Variants in ARHGAP12 observed in about 807,000 individuals in gnomAD.
ARHGAP12 encodes Rho GTPase activating protein 12, also known as rho GTPase-activating protein 12.
In ARHGAP12, 64 loss-of-function variants were observed where a neutral mutation model predicts 108.6. The observed-to-expected ratio is 0.59, with a 90% CI of 0.48 to 0.73. The LOEUF is 0.73. Ranked by LOEUF, ARHGAP12 falls within the 30% of genes least tolerant of loss-of-function variation. The pLI is 0.00. For missense variants in ARHGAP12, 940 were observed against 1,005.9 expected, an observed-to-expected ratio of 0.93 and a Z score of 0.89; for synonymous variants, 312 against 337.2, an observed-to-expected ratio of 0.93 and a Z score of 0.82.
intron 7 of ARHGAP12, among the ~76,000 whole-genome samples, chr10:31,842,295 T>C (rs1278630670): frequency 1.3e-5 from 2 of 152,094 alleles, no homozygotes; most frequent in African/African-American, 4.8e-5. Context: ...ATCTGGTTCT[T>C]GGTTGAGTGA....
intron 12 of ARHGAP12, among the ~76,000 whole-genome samples, chr10:31,818,184 T>G (rs1219935179): frequency 6.6e-6 from 1 of 152,168 alleles, no homozygotes; most frequent in African/African-American, 2.4e-5. Flanking sequence ...AACTAGTACG[T>G]TTATCACTTA....
At chr10:31,855,684 T>C (rs1314074023) in intron 4 of ARHGAP12, among the ~76,000 whole-genome samples, 1 of 152,162 alleles carries the variant, frequency 6.6e-6, no homozygotes, top group African/African-American at 2.4e-5. Flanking sequence ...CAGTAAAACT[T>C]TTAGAAACAG....
intron 10 of ARHGAP12, among the ~76,000 whole-genome samples, chr10:31,829,860 G>C (rs1835765924): frequency 6.6e-6 from 1 of 152,052 alleles, no homozygotes. Context: ...ACAATTATCT[G>C]AACATATCTT....
intron 12 of ARHGAP12, among the ~76,000 whole-genome samples, chr10:31,818,767 T>G (rs1163105925): frequency 6.6e-6 from 1 of 152,204 alleles, no homozygotes; most frequent in African/African-American, 2.4e-5. Flanking sequence ...AACTAGATTC[T>G]CTCCTTCAAG....
rs556870836 is a variant in ARHGAP12 at position 31,884,197 on chromosome 10, A to G, written c.685-22539T>C. On this transcript the variant is annotated intron_variant, in intron 3 of 19. Transcript: ENST00000344936. Reference sequence around the variant, plus strand: ...ACAAAGAATTCATCTGTGTGAGTTCATATCTATTGATATTTAGTATTAGAA... The same window carrying G: ...ACAAAGAATTCATCTGTGTGAGTTCGTATCTATTGATATTTAGTATTAGAA... Among the ~76,000 whole-genome samples, 11 of 151,980 alleles carry G rather than the reference A, an allele frequency of 7.2e-5. No homozygotes were observed. In the South Asian group the frequency reaches 1.0e-3, roughly 14 times the overall value.
At chr10:31,861,360 T>C in intron 4 of ARHGAP12, 35 bp downstream of exon 4, 1 of 1,556,644 alleles carries the variant, frequency 6.4e-7, no homozygotes, top group Non-Finnish European at 8.6e-7. Flanking sequence ...AGAGAAAATC[T>C]GGTAACTTGC....
intron 3 of ARHGAP12, among the ~76,000 whole-genome samples, chr10:31,876,760 A>G (rs1478552984): frequency 6.6e-6 from 1 of 152,196 alleles, no homozygotes; most frequent in Non-Finnish European, 1.5e-5. Context: ...GCAGGAAACA[A>G]AAATTCACCT....
chr10:31,894,748 C>T (rs1242888837), intron 3 of ARHGAP12, among the ~76,000 whole-genome samples: 1 of 152,174 alleles, frequency 6.6e-6, no homozygotes, highest in Admixed American at 6.6e-5. Flanking sequence ...GAAAAAACTA[C>T]TTTAAAGTTC....
At chr10:31,849,695 T>C (rs757326824) in intron 6 of ARHGAP12, among the ~76,000 whole-genome samples, 2 of 152,216 alleles carry the variant, frequency 1.3e-5, no homozygotes, top group Non-Finnish European at 2.9e-5. Context: ...AATTGAGAGT[T>C]AAACTGTGAA....
intron 5 of ARHGAP12, 150 bp downstream of exon 5, chr10:31,853,916 G>A: frequency 1.2e-6 from 1 of 826,928 alleles, no homozygotes; most frequent in Non-Finnish European, 1.8e-6. Context: ...GTTACACTGA[G>A]TTTTCGTATT....
rs768793761 is a variant in ARHGAP12, at chr10:31,831,773, C to A, written c.1414G>T (p.Val472Leu). The A allele has an allele frequency of 1.3e-6, 2 of 1,582,092 alleles. No homozygotes were observed. The highest frequency in any genetic ancestry group is 1.7e-5 in the Admixed American group (1 of 59,218). The change falls in exon 10 of 20, where the codon GTA (valine) becomes TTA (leucine). Residue 472 changes from valine to leucine, a missense_variant. Val to Leu is a conservative substitution (Grantham distance 32). Coordinates refer to ENST00000344936, the MANE Select transcript of ARHGAP12 (RefSeq NM_018287.7). ...KDQEKYGLLN[V>L]TKIAENGKKV... ...TTCCCATTTTCAGCAATTTTTGTTA[C>A]ATTTAATAATCCATATTTCTCTTGA...
intron 3 of ARHGAP12, among the ~76,000 whole-genome samples, chr10:31,897,734 C>T (rs1332986996): frequency 1.3e-5 from 2 of 152,026 alleles, no homozygotes; most frequent in Non-Finnish European, 2.9e-5. Context: ...GCAAGGCATG[C>T]CAAAAGGCAA....
At chr10:31,907,316 T>C (rs1439085760) in intron 3 of ARHGAP12, among the ~76,000 whole-genome samples, 1 of 150,930 alleles carries the variant, frequency 6.6e-6, no homozygotes, top group Non-Finnish European at 1.5e-5. Flanking sequence ...AGATCTAATC[T>C]CAAAAGAAAG....
At chr10:31,908,984 C>T (rs1839248758) in intron 2 of ARHGAP12, 58 bp from the exon 3 acceptor site, 6 of 895,836 alleles carry the variant, frequency 6.7e-6, no homozygotes, top group South Asian at 5.2e-5. Flanking sequence ...ATCTGGATTT[C>T]GTATTTACTC....
intron 7 of ARHGAP12, among the ~76,000 whole-genome samples, chr10:31,840,368 G>A: frequency 6.7e-6 from 1 of 149,776 alleles, no homozygotes. Context: ...TTTTTTTTAA[G>A]CAGTCTGCTT....
chr10:31,843,144 AG>A (rs1245863471), intron 7 of ARHGAP12, among the ~76,000 whole-genome samples: 1 of 152,160 alleles, frequency 6.6e-6, no homozygotes, highest in Non-Finnish European at 1.5e-5. Context: ...AAATGTATCA[AG>A]GTACACACAT....
Position 31,852,560 on chromosome 10 carries a change from T to C in ARHGAP12, c.1127A>G (p.Tyr376Cys), listed in dbSNP as rs753394776. ...KHVDDQGRQY[Y>C]YSADGSRSEW... Reference sequence around the variant, plus strand: ...TGACCGAGATCCGTCTGCACTGTAGTAATATTGTCTACCTTGATCATCAAC... The same window carrying C: ...TGACCGAGATCCGTCTGCACTGTAGCAATATTGTCTACCTTGATCATCAAC... Residue 376 changes from tyrosine to cysteine, a missense_variant, in exon 6 of 20, where the codon TAC becomes TGC. By Grantham distance (194) the Tyr-to-Cys change is radical (BLOSUM62 -2). Coordinates refer to ENST00000344936, the MANE Select transcript of ARHGAP12 (RefSeq NM_018287.7). The C allele has an allele frequency of 2.4e-5, 38 of 1,613,304 alleles. No individual in the cohort carries two copies. The highest frequency in any genetic ancestry group is 3.2e-5 in the Non-Finnish European group (38 of 1,179,476).
chr10:31,900,719 GT>G (rs1838882745), intron 3 of ARHGAP12, among the ~76,000 whole-genome samples: 1 of 152,202 alleles, frequency 6.6e-6, no homozygotes, highest in Admixed American at 6.5e-5. Flanking sequence ...CACAGAGGAT[GT>G]TAAGGTAGTA....
intron 3 of ARHGAP12, among the ~76,000 whole-genome samples, chr10:31,876,091 C>G (rs886367079): frequency 6.6e-6 from 1 of 152,200 alleles, no homozygotes; most frequent in Non-Finnish European, 1.5e-5. Flanking sequence ...GTGAACAATT[C>G]TGCTATGAAC....
Sources: allele counts gnomAD v4.1 joint callset (sites outside exome capture counted in the v4.1 genomes callset), GRCh38; gene constraint gnomAD v4.1.1; transcripts MANE v1.5; gene names NCBI Gene and HGNC (gene_info 2026-07-23, HGNC 2026-07-21).